The following PCDHGA9 variants were observed in gnomAD, a reference collection of about 807,000 sequenced individuals.
The protein encoded by PCDHGA9 is protocadherin gamma-A9.
PCDHGA9 carries 37 observed loss-of-function variants against 62.5 expected under a neutral mutation model. That is an observed-to-expected ratio of 0.59 (90% CI 0.46 to 0.78). The LOEUF is 0.78. Ranked by LOEUF, PCDHGA9 falls within the 30% of genes least tolerant of loss-of-function variation. The pLI, the probability that PCDHGA9 is intolerant of heterozygous loss-of-function variation, is 0.00. For synonymous variants in PCDHGA9, 459 were observed against 484.6 expected, an observed-to-expected ratio of 0.95 and a Z score of 0.69; for missense variants, 1,138 against 1,166.2, an observed-to-expected ratio of 0.98 and a Z score of 0.35.
At position 141,489,760 on chromosome 5, in the gene PCDHGA9, C is replaced by A; in HGVS notation, c.2425-5047C>A. 1 of 1,614,086 alleles carries A rather than the reference C, an allele frequency of 6.2e-7. No individual in the cohort carries two copies. Among genetic ancestry groups the A allele is most frequent in the Non-Finnish European group, 8.5e-7 (1 of 1,179,970 alleles). On this transcript the variant is annotated intron_variant, in intron 1 of 3. Coordinates refer to ENST00000573521, the MANE Select transcript of PCDHGA9 (RefSeq NM_018921.3). This position sits in a 1 kb window ranked among gnomAD's most constrained non-coding sequence, Gnocchi z 4.5. ...TACTGTGAGCTTTTACACTCTAAGC[C>A]CCAACAGCCACTTCTCTCTGAATGT...
intron 1 of PCDHGA9, among the ~76,000 whole-genome samples, chr5:141,435,698 A>G (rs954167256): frequency 1.3e-5 from 2 of 152,184 alleles, no homozygotes; most frequent in African/African-American, 4.8e-5. Context: ...CTTATTGTAG[A>G]GTGGTTACAG....
At chr5:141,415,040 C>T (rs772941952) in intron 1 of PCDHGA9, 8 of 1,613,520 alleles carry the variant, frequency 5.0e-6, no homozygotes, top group South Asian at 1.1e-5. Context: ...GGACTCTTCG[C>T]GGTGGGGGAG....
chr5:141,490,313 C>G lies in PCDHGA9; in HGVS notation c.2425-4494C>G. The G allele has an allele frequency of 6.2e-7, 1 of 1,614,222 alleles. No individual in the cohort carries two copies. The highest frequency in any genetic ancestry group is 8.5e-7 in the Non-Finnish European group (1 of 1,180,024). Reference sequence around the variant, plus strand: ...GTGCTATTGGCCTCTTTGGCCAACCCTGTCCTAGAGAGCACACCAGTGGGC... The same window carrying G: ...GTGCTATTGGCCTCTTTGGCCAACCGTGTCCTAGAGAGCACACCAGTGGGC... On this transcript the variant is annotated intron_variant, in intron 1 of 3. Transcript: ENST00000573521. The surrounding 1 kb of genome is among the most constrained non-coding windows in gnomAD (Gnocchi z 5.4).
intron 1 of PCDHGA9, chr5:141,423,829 A>G: frequency 7.9e-7 from 1 of 1,268,964 alleles, no homozygotes; most frequent in Non-Finnish European, 9.9e-7. Flanking sequence ...GCCTTTCATG[A>G]GATTACGATA....
At chr5:141,478,500 T>C (rs754881921) in intron 1 of PCDHGA9, 16 of 1,612,740 alleles carry the variant, frequency 9.9e-6, no homozygotes, top group Non-Finnish European at 1.4e-5. Context: ...TGTGATCCGG[T>C]GTTCTATAGG....
At position 141,432,807 on chromosome 5, in the gene PCDHGA9, ACT is replaced by A. The variant is rs542925824; in HGVS notation, c.2424+27434_2424+27435del. On this transcript the variant is annotated intron_variant, in intron 1 of 3. Coordinates refer to ENST00000573521, the MANE Select transcript of PCDHGA9 (RefSeq NM_018921.3). This position sits in a 1 kb window ranked among gnomAD's most constrained non-coding sequence, Gnocchi z 6.0. ...CTCGGCAGCCTCGAGTCTCCAGCTA[ACT>A]CTGAAACCTCAGACCTCACTCTGTA... 352 of 1,613,946 alleles carry A rather than the reference ACT, an allele frequency of 2.2e-4. 2 individuals carry two copies. The African/African-American group carries it at 4.2e-3, about 19-fold the overall frequency.
intron 1 of PCDHGA9, chr5:141,423,606 GAT>G: frequency 6.2e-7 from 1 of 1,612,164 alleles, no homozygotes; most frequent in African/African-American, 1.3e-5. Flanking sequence ...AGCCACTCTT[GAT>G]AGCTGAAGAC....
chr5:141,451,682 G>GA (rs1401536376), intron 1 of PCDHGA9, among the ~76,000 whole-genome samples: 1 of 152,128 alleles, frequency 6.6e-6, no homozygotes, highest in Non-Finnish European at 1.5e-5. Flanking sequence ...AGGAGTTCAA[G>GA]ACCAGCCTGG....
chr5:141,408,240 C>T (rs1012868761), intron 1 of PCDHGA9: 89 of 1,578,820 alleles, frequency 5.6e-5, no homozygotes, highest in Non-Finnish European at 7.3e-5. Context: ...CGGGCCGGCC[C>T]GCGGCAGGTG....
chr5:141,418,696 T>C, intron 1 of PCDHGA9: 1 of 1,614,034 alleles, frequency 6.2e-7, no homozygotes, highest in Non-Finnish European at 8.5e-7. Context: ...AGATCACTTA[T>C]TCCTTCTTTG....
intron 1 of PCDHGA9, among the ~76,000 whole-genome samples, chr5:141,467,680 T>A (rs75237059): frequency 6.6e-6 from 1 of 152,138 alleles, no homozygotes; most frequent in Non-Finnish European, 1.5e-5. Flanking sequence ...TTATTTTTTT[T>A]AGACAGGGTC....
At chr5:141,414,085 G>C (rs1459185694) in intron 1 of PCDHGA9, 1 of 1,600,126 alleles carries the variant, frequency 6.2e-7, no homozygotes, top group Non-Finnish European at 8.5e-7. Context: ...ATATACTGGA[G>C]AAATAAAAAT....
intron 1 of PCDHGA9, chr5:141,468,497 C>T (rs1033597673): frequency 2.0e-5 from 3 of 152,074 alleles, no homozygotes; most frequent in Non-Finnish European, 4.4e-5. Context: ...GGAAGATTTT[C>T]ATGTGGACAA....
intron 1 of PCDHGA9, chr5:141,413,293 C>G: frequency 6.2e-7 from 1 of 1,613,946 alleles, no homozygotes; most frequent in South Asian, 1.1e-5. Context: ...CTACTCAATT[C>G]CTGAGGAATT....
intron 1 of PCDHGA9, chr5:141,410,044 C>T (rs1220745023): frequency 1.7e-5 from 27 of 1,613,184 alleles, no homozygotes; most frequent in Admixed American, 3.3e-5. Context: ...CCAGTGAGCC[C>T]GGACTCTTCA....
intron 1 of PCDHGA9, among the ~76,000 whole-genome samples, chr5:141,472,980 C>CAAAAAAAAAAAAAAAAGAAAAAAA (rs2099308501): frequency 2.3e-5 from 2 of 86,104 alleles, no homozygotes; most frequent in African/African-American, 7.8e-5. Flanking sequence ...GAGTGAAACT[C>CAAAAAAAAAAAAAAAAGAAAAAAA]AAAAAAAAAA....
At chr5:141,414,061 T>C in intron 1 of PCDHGA9, 1 of 1,609,248 alleles carries the variant, frequency 6.2e-7, no homozygotes, top group Non-Finnish European at 8.5e-7. Flanking sequence ...ATTGTTGAAG[T>C]TCCAACTAAA....
At chr5:141,446,891 C>A (rs1457416718) in intron 1 of PCDHGA9, among the ~76,000 whole-genome samples, 1 of 152,152 alleles carries the variant, frequency 6.6e-6, no homozygotes, top group Non-Finnish European at 1.5e-5. Context: ...GGGTTCATGG[C>A]TGAGCTACTT....
At chr5:141,433,364 T>C (rs1246641841) in intron 1 of PCDHGA9, 1 of 524,614 alleles carries the variant, frequency 1.9e-6, no homozygotes, top group Admixed American at 3.5e-5. Context: ...TCTGCCTATC[T>C]ATCTATCTAT....
Sources: allele counts gnomAD v4.1 joint callset (sites outside exome capture counted in the v4.1 genomes callset), GRCh38; gene constraint gnomAD v4.1.1; non-coding constraint Gnocchi (gnomAD v3.1); transcripts MANE v1.5; gene names NCBI Gene and HGNC (gene_info 2026-07-23, HGNC 2026-07-21).